PARG: variants seen among roughly 807,000 people sequenced by gnomAD.
The protein encoded by PARG is mitochondrial poly(ADP-ribose) glycohydrolase.
Under a neutral mutation model 113.0 loss-of-function variants are expected in PARG, and 35 were observed. The observed-to-expected ratio is 0.31, with a 90% confidence interval of 0.24 to 0.41. The LOEUF is 0.41. Among genes scored for constraint, PARG ranks in the 10% least tolerant of loss-of-function variants. PARG has a pLI of 1.00. For missense variants in PARG, 797 were observed against 1,169.4 expected, an observed-to-expected ratio of 0.68 and a Z score of 4.64; for synonymous variants, 330 against 409.9, an observed-to-expected ratio of 0.81 and a Z score of 2.36.
At chr10:49,834,110 G>A (rs1844800609) in intron 15 of PARG, among the ~76,000 whole-genome samples, 1 of 152,158 alleles carries the variant, frequency 6.6e-6, no homozygotes, top group Non-Finnish European at 1.5e-5. Flanking sequence ...TTACACAAGC[G>A]CTCACAAATT....
At chr10:49,822,790 C>A (rs896328847) in intron 16 of PARG, among the ~76,000 whole-genome samples, 1 of 152,182 alleles carries the variant, frequency 6.6e-6, no homozygotes, top group Non-Finnish European at 1.5e-5. Flanking sequence ...CCATCAAGTG[C>A]CTCTTGACAG....
chr10:49,907,201 C>T (rs1479242481), intron 7 of PARG, among the ~76,000 whole-genome samples: 3 of 152,174 alleles, frequency 2.0e-5, no homozygotes, highest in African/African-American at 7.2e-5. Flanking sequence ...AATCAAAGAG[C>T]ATTTGTGGTG....
chr10:49,873,380 C>A (rs1846790900), intron 9 of PARG, among the ~76,000 whole-genome samples: 1 of 139,076 alleles, frequency 7.2e-6, no homozygotes, highest in East Asian at 2.2e-4. Flanking sequence ...AGATTACGTA[C>A]TGGATCTTTC....
intron 7 of PARG, among the ~76,000 whole-genome samples, chr10:49,913,998 T>C (rs527888744): frequency 2.0e-5 from 3 of 148,576 alleles, no homozygotes; most frequent in African/African-American, 7.5e-5. Context: ...TGAGTAATCA[T>C]CTCATATTTA....
intron 13 of PARG, among the ~76,000 whole-genome samples, chr10:49,853,271 C>T (rs1845840365): frequency 6.6e-6 from 1 of 151,870 alleles, no homozygotes; most frequent in African/African-American, 2.4e-5. Context: ...CTCCTGACCT[C>T]ATGATCCGCC....
chr10:49,820,190 G>A lies in PARG; in HGVS notation c.2751C>T (p.Phe917=). 1 of 1,547,240 alleles carries A rather than the reference G, an allele frequency of 6.5e-7. No homozygotes were observed. Among genetic ancestry groups the A allele is most frequent in the Non-Finnish European group, 8.7e-7 (1 of 1,143,030 alleles). ...CAACAGTGAGTTTCCTTTCAGTAAG[G>A]AAAATGTGCATGCTGTAAATGTCTC... ...LMRDIYSMHI[F]LTERKLTVGD... is the part of the protein sequence containing the mutation. The change falls in exon 17 of 18, where the codon TTC becomes TTT. Residue 917 remains phenylalanine, a synonymous_variant. Coordinates refer to ENST00000616448, the MANE Select transcript of PARG (RefSeq NM_003631.5).
Position 49,927,630 on chromosome 10 carries a change from C to T in PARG, c.1455+4470G>A, listed in dbSNP as rs189066958. ...AGAAATTTAGGATTATATTGTGTCA[C>T]GGAGCCAAAGGATGAGTATATTCCA... On this transcript the variant is annotated intron_variant, in intron 4 of 17. Transcript: ENST00000616448. Among the ~76,000 whole-genome samples the T allele has an allele frequency of 2.4e-4, 36 of 152,090 alleles. No individual in the cohort carries two copies. The East Asian group carries it at 6.0e-3, about 25-fold the overall frequency.
chr10:49,937,433 G>A (rs1166977635), intron 1 of PARG, among the ~76,000 whole-genome samples: 2 of 149,734 alleles, frequency 1.3e-5, no homozygotes, highest in Non-Finnish European at 3.0e-5. Context: ...CGGAGATCGC[G>A]CCACTGCACT....
chr10:49,829,752 T>C (rs1844565448), intron 16 of PARG, among the ~76,000 whole-genome samples: 2 of 152,232 alleles, frequency 1.3e-5, no homozygotes, highest in South Asian at 2.1e-4. Flanking sequence ...AATTTGTGTG[T>C]GATATTTTAT....
At chr10:49,852,046 A>C (rs1476570694) in intron 13 of PARG, among the ~76,000 whole-genome samples, 1 of 152,186 alleles carries the variant, frequency 6.6e-6, no homozygotes, top group Non-Finnish European at 1.5e-5. Context: ...AGATTCAGGC[A>C]GCACAGTCAC....
At chr10:49,940,548 G>A (rs1269758153) in intron 1 of PARG, among the ~76,000 whole-genome samples, 2 of 151,004 alleles carry the variant, frequency 1.3e-5, no homozygotes, top group South Asian at 2.1e-4. Context: ...GCGGAGTTTC[G>A]CTCTTGTTGC....
intron 3 of PARG, 23 bp from the exon 4 acceptor site, chr10:49,932,306 T>A: frequency 1.5e-6 from 2 of 1,367,472 alleles, no homozygotes; most frequent in Non-Finnish European, 2.1e-6. Flanking sequence ...CAAATGTATT[T>A]AGTCACAAAT....
intron 7 of PARG, among the ~76,000 whole-genome samples, chr10:49,889,097 T>C (rs1554840996): frequency 6.6e-6 from 1 of 151,888 alleles, no homozygotes; most frequent in Non-Finnish European, 1.5e-5. Flanking sequence ...TCTGTTTTTT[T>C]CATTTGTTTC....
chr10:49,841,976 C>T lies in PARG; in HGVS notation c.2515G>A (p.Glu839Lys). 1 of 1,549,194 alleles carries T rather than the reference C, an allele frequency of 6.5e-7. No individual in the cohort carries two copies. Among genetic ancestry groups the T allele is most frequent in the South Asian group, 1.2e-5 (1 of 84,046 alleles). ...FRRYLDQFVP[E>K]KMRRELNKAY... is the part of the protein sequence containing the mutation. ...TTGTTCAGCTCGCGTCTCATTTTCT[C>T]AGGCACAAACTGATCGAGGTAGCGT... is the stretch of plus-strand genomic sequence containing the variant. The change falls in exon 15 of 18, where the codon GAG becomes AAG. Residue 839 changes from glutamate (E) to lysine (K), a missense_variant. Glu to Lys is a moderately conservative substitution (Grantham distance 56). Transcript: ENST00000616448.
chr10:49,881,978 G>C (rs1213832704), intron 8 of PARG, among the ~76,000 whole-genome samples: 10 of 152,010 alleles, frequency 6.6e-5, no homozygotes, highest in African/African-American at 2.4e-4. Context: ...AGTGCTGCTT[G>C]GTTTTAGGAA....
chr10:49,904,486 G>A (rs1294051994), intron 7 of PARG, among the ~76,000 whole-genome samples: 3 of 151,816 alleles, frequency 2.0e-5, no homozygotes, highest in African/African-American at 4.8e-5. Flanking sequence ...GATGTGTCAA[G>A]GTAGGTTCAT....
At chr10:49,889,925 T>C (rs1212996644) in intron 7 of PARG, among the ~76,000 whole-genome samples, 1 of 152,204 alleles carries the variant, frequency 6.6e-6, no homozygotes, top group Admixed American at 6.5e-5. Flanking sequence ...GTGACTAAAC[T>C]ACTGTTTGAG....
At chr10:49,830,219 C>G (rs782120944) in intron 16 of PARG, among the ~76,000 whole-genome samples, 6 of 152,190 alleles carry the variant, frequency 3.9e-5, no homozygotes, top group Non-Finnish European at 5.9e-5. Flanking sequence ...TCACAAATGA[C>G]CACGGCTTAC....
intron 4 of PARG, among the ~76,000 whole-genome samples, chr10:49,929,008 A>T (rs1398478441): frequency 6.6e-6 from 1 of 152,224 alleles, no homozygotes; most frequent in East Asian, 1.9e-4. Context: ...GCTTTCATAT[A>T]ATAGTTGTGT....
Sources: allele counts gnomAD v4.1 joint callset (sites outside exome capture counted in the v4.1 genomes callset), GRCh38; gene constraint gnomAD v4.1.1; transcripts MANE v1.5; gene names NCBI Gene and HGNC (gene_info 2026-07-23, HGNC 2026-07-21).